ISG20: variants seen among roughly 807,000 people sequenced by gnomAD.
ISG20 encodes the protein interferon-stimulated gene 20 kDa protein.
ISG20 carries 8 observed loss-of-function variants against 11.1 expected under a neutral mutation model. That is an observed-to-expected ratio of 0.72 (90% confidence interval 0.42 to 1.30). The LOEUF is 1.30. Ranked by LOEUF, ISG20 falls within the 50% of genes most tolerant of loss-of-function variation. The probability of loss-of-function intolerance (pLI) is 0.01; values close to 1 mark genes in which losing one functional copy is unlikely to be tolerated. For synonymous variants in ISG20, 110 were observed against 101.7 expected (o/e 1.08, Z -0.49); for missense variants, 243 against 250.2 (o/e 0.97, Z 0.19).
rs147440248 is a variant in ISG20 at position 88,642,815 on chromosome 15, C to T, written c.228+3221C>T. Among the ~76,000 whole-genome samples, 660 of 151,516 alleles carry T rather than the reference C, an allele frequency of 4.4e-3. 8 individuals carry two copies. The highest frequency in any genetic ancestry group is 0.015 in the African/African-American group (611 of 41,558). ...TATTTTCAGTAGAGACGGGGTTTCA[C>T]CATGTTGCCAGGCTGGTCTCGAATG... On this transcript the variant is annotated intron_variant, in intron 2 of 3. Coordinates refer to ENST00000306072, the MANE Select transcript of ISG20 (RefSeq NM_002201.6).
intron 2 of ISG20, among the ~76,000 whole-genome samples, chr15:88,641,557 A>G (rs79447238): frequency 2.2e-4 from 34 of 152,348 alleles, no homozygotes; most frequent in African/African-American, 8.2e-4. Context: ...CTTGGCTTAT[A>G]GATGCCTCAC....
At chr15:88,652,086 G>A (rs775575520) in intron 2 of ISG20, 24 bp from the exon 3 acceptor site, 1 of 1,613,860 alleles carries the variant, frequency 6.2e-7, no homozygotes, top group East Asian at 2.2e-5. Context: ...TCATGTAGGG[G>A]TGGGCACATG....
At chr15:88,638,490 A>G (rs1273284390), upstream of ISG20, among the ~76,000 whole-genome samples, 1 of 152,156 alleles carries the variant, frequency 6.6e-6, no homozygotes, top group Non-Finnish European at 1.5e-5. Flanking sequence ...GGAGGCCTGT[A>G]AGGGCTCCCT....
upstream of ISG20, among the ~76,000 whole-genome samples, chr15:88,635,898 ATATT>A (rs1184317113): frequency 6.6e-6 from 1 of 152,196 alleles, no homozygotes; most frequent in Non-Finnish European, 1.5e-5. Flanking sequence ...AATTTCCAAT[ATATT>A]TATTGAAAAA....
chr15:88,642,678 G>A (rs1048627783), intron 2 of ISG20, among the ~76,000 whole-genome samples: 3 of 152,168 alleles, frequency 2.0e-5, no homozygotes, highest in Admixed American at 6.5e-5. Context: ...GTGTGGCGGC[G>A]CGATCTCGGC....
intron 2 of ISG20, among the ~76,000 whole-genome samples, chr15:88,640,266 G>T (rs937172470): frequency 1.3e-5 from 2 of 152,206 alleles, no homozygotes; most frequent in African/African-American, 4.8e-5. Context: ...TAGACACCAT[G>T]GTAGGGTTTG....
rs750810463 is a variant in ISG20 at position 88,639,356 on chromosome 15, C to T, written c.-11C>T. On this transcript the variant is annotated 5_prime_UTR_variant, in exon 2 of 4. Coordinates refer to ENST00000306072, the MANE Select transcript of ISG20 (RefSeq NM_002201.6). The surrounding 1 kb of genome is among the most constrained non-coding windows in gnomAD (Gnocchi z 4.2). ...CCCTCTCTCCAGCATCTCTGAGGGT[C>T]CCCAAGGAACATGGCTGGGAGCCGT... is the stretch of plus-strand genomic sequence containing the variant. 7 of 1,603,814 alleles carry T rather than the reference C, an allele frequency of 4.4e-6. No homozygotes were observed. The highest frequency in any genetic ancestry group is 1.7e-5 in the Admixed American group (1 of 58,874).
Position 88,639,692 on chromosome 15 carries a change from C to G in ISG20, c.228+98C>G, listed in dbSNP as rs1432851860. 6 of 909,322 alleles carry G rather than the reference C, an allele frequency of 6.6e-6. 1 individual carries two copies. The highest frequency in any genetic ancestry group is 3.1e-5 in the South Asian group (2 of 64,702). 56.3% of individuals were successfully genotyped at this position (909,322 alleles called of 1,614,324 possible). ...TGCCCATCTGTGACCTGTGACCCCA[C>G]TTGTAAGATTTCCCACACTGCTGTT... On this transcript the variant is annotated intron_variant, in intron 2 of 3. Transcript: ENST00000306072. The surrounding 1 kb of genome is among the most constrained non-coding windows in gnomAD (Gnocchi z 4.2).
At position 88,644,098 on chromosome 15, in the gene ISG20, G is replaced by A. The variant is rs533962265; in HGVS notation, c.228+4504G>A. 3.4e-4 allele frequency among the ~76,000 whole-genome samples: 52 copies of A among 152,304 alleles called. No homozygotes were observed. In the South Asian group the frequency reaches 9.7e-3, roughly 28 times the overall value. The stretch of plus-strand genomic sequence containing the variant: ...CTGGTGGTATTTGAAAGGGGTGGAG[G>A]AGAGTCTATGTAGGGAATTAAGTGG... On this transcript the variant is annotated intron_variant, in intron 2 of 3. Coordinates refer to ENST00000306072, the MANE Select transcript of ISG20 (RefSeq NM_002201.6).
At position 88,650,266 on chromosome 15, in the gene ISG20, A is replaced by T. The variant is rs12595827; in HGVS notation, c.229-1844A>T. ...TTCCCATCCTCTCCAACGGCAGCTG[A>T]GTGAAAGCAAGCTGACTGGCCTGTG... On this transcript the variant is annotated intron_variant, in intron 2 of 3. Coordinates refer to ENST00000306072, the MANE Select transcript of ISG20 (RefSeq NM_002201.6). The surrounding 1 kb of genome is among the most constrained non-coding windows in gnomAD (Gnocchi z 4.0). 269,854 of 1,535,454 alleles carry T rather than the reference A, an allele frequency of 0.18. 28,051 individuals are homozygous for T. Among genetic ancestry groups the T allele is most frequent in the East Asian group, 0.52 (21,447 of 40,894 alleles).
intron 2 of ISG20, among the ~76,000 whole-genome samples, chr15:88,646,753 T>C (rs8025499): frequency 0.42 from 63,779 of 152,018 alleles, 13,738 homozygotes; most frequent in Non-Finnish European, 0.47. Flanking sequence ...TTGGCCAGCC[T>C]TTGGTTTCAT....
At chr15:88,651,664 A>G (rs2058276152) in intron 2 of ISG20, 4 of 498,138 alleles carry the variant, frequency 8.0e-6, no homozygotes, top group Non-Finnish European at 1.1e-5. Flanking sequence ...TTAGCAATCT[A>G]AGTTCTGCCC....
Position 88,656,458 on chromosome 15 carries a change from A to G in ISG20, c.*927A>G, listed in dbSNP as rs543573026. 143 of 150,752 alleles carry G rather than the reference A, an allele frequency of 9.5e-4. No individual in the cohort carries two copies. The highest frequency in any genetic ancestry group is 3.4e-3 in the African/African-American group (138 of 40,238). The allele number at this position is 150,752 out of a possible 1,614,324, so 9.3% of individuals were successfully genotyped here. ...TAATAATTAATAATTTAGTGCTTCCACTAAATAAAAATCATTGGAATGGTG... is the reference window on the plus strand; with the variant it reads ...TAATAATTAATAATTTAGTGCTTCCGCTAAATAAAAATCATTGGAATGGTG... On this transcript the variant is annotated 3_prime_UTR_variant, in exon 4 of 4. Transcript: ENST00000306072.
chr15:88,642,797 A>G (rs2058104742), intron 2 of ISG20, among the ~76,000 whole-genome samples: 1 of 152,132 alleles, frequency 6.6e-6, no homozygotes, highest in Non-Finnish European at 1.5e-5. Flanking sequence ...TTGTATTTTC[A>G]GTAGAGACGG....
At chr15:88,637,710 C>G (rs990314408), upstream of ISG20, among the ~76,000 whole-genome samples, 2 of 152,134 alleles carry the variant, frequency 1.3e-5, no homozygotes, top group Admixed American at 1.3e-4. Context: ...AAACATGTTC[C>G]TGTCTGAGGA....
chr15:88,643,818 T>C lies in ISG20; in HGVS notation c.228+4224T>C, dbSNP rs2058122468. ...GAAATGCTGGGGACCAGAAGGGTTT[T>C]GGATTTTGGATTTGGGATTTTTTTG... On this transcript the variant is annotated intron_variant, in intron 2 of 3. Transcript: ENST00000306072. This position sits in a 1 kb window ranked among gnomAD's most constrained non-coding sequence, Gnocchi z 4.4. 1.3e-5 allele frequency among the ~76,000 whole-genome samples: 2 copies of C among 152,242 alleles called. No homozygotes were observed. Among genetic ancestry groups the C allele is most frequent in the South Asian group, 4.1e-4 (2 of 4,832 alleles).
chr15:88,652,289 C>A lies in ISG20; in HGVS notation c.408C>A (p.Arg136=). The part of the protein sequence containing the change: ...RRVSLRVLSE[R]LLHKSIQNSL... The stretch of plus-strand genomic sequence containing the variant: ...TCTCCCTGCGGGTGCTGAGTGAGCG[C>A]CTCCTACACAAGAGCATCCAGGTGA... Residue 136 remains arginine (R), a synonymous_variant, in exon 3 of 4, where the codon CGC becomes CGA. Transcript: ENST00000306072. The A allele has an allele frequency of 6.2e-7, 1 of 1,613,534 alleles. No homozygotes were observed. The highest frequency in any genetic ancestry group is 8.5e-7 in the Non-Finnish European group (1 of 1,179,754).
intron 2 of ISG20, among the ~76,000 whole-genome samples, chr15:88,641,924 C>CCCTTTTTTTTTT (rs2058087569): frequency 8.6e-6 from 1 of 116,642 alleles, no homozygotes; most frequent in African/African-American, 3.3e-5. Context: ...GGTTAGCTTC[C>CCCTTTTTTTTTT]TCTTTTTTTT....
rs1033568905 is a variant in ISG20 at position 88,656,107 on chromosome 15, T to C, written c.*576T>C. 2 of 152,338 alleles carry C rather than the reference T, an allele frequency of 1.3e-5. No individual in the cohort carries two copies. Among genetic ancestry groups the C allele is most frequent in the African/African-American group, 4.8e-5 (2 of 41,456 alleles). The allele number at this position is 152,338 out of a possible 1,614,324, so 9.4% of individuals were successfully genotyped here. ...GGTTGGAATCCTCTTTGTCATTTAGTAGCTGTTTGACCTAAGGTGGTTTAC... is the reference window on the plus strand; with the variant it reads ...GGTTGGAATCCTCTTTGTCATTTAGCAGCTGTTTGACCTAAGGTGGTTTAC... On this transcript the variant is annotated 3_prime_UTR_variant, in exon 4 of 4. Coordinates refer to ENST00000306072, the MANE Select transcript of ISG20 (RefSeq NM_002201.6).
Sources: gnomAD v4.1 joint callset for allele counts (sites outside exome capture counted in the v4.1 genomes callset) on GRCh38, gnomAD v4.1.1 for gene constraint, Gnocchi (gnomAD v3.1) non-coding constraint, MANE v1.5 for transcripts, NCBI Gene and HGNC (gene_info 2026-07-23, HGNC 2026-07-21) for gene names.